RIMBP2: variants seen among roughly 807,000 people sequenced by gnomAD.
RIMBP2 encodes RIMS-binding protein 2.
Under a neutral mutation model 118.6 loss-of-function variants are expected in RIMBP2, and 48 were observed. The ratio of observed to expected loss-of-function variants is 0.40; its 90% CI spans 0.32 to 0.51. The LOEUF is 0.51. RIMBP2 is among the 20% of genes least tolerant of loss of function. RIMBP2 has a pLI of 0.41. For synonymous variants in RIMBP2, 762 were observed against 742.9 expected (o/e 1.03, Z -0.42); for missense variants, 1,551 against 1,768.3 (o/e 0.88, Z 2.20).
intron 2 of RIMBP2, among the ~76,000 whole-genome samples, chr12:130,615,221 T>C (rs2060832104): frequency 8.0e-6 from 1 of 125,312 alleles, no homozygotes; most frequent in Non-Finnish European, 1.6e-5. Context: ...TTATATATTA[T>C]ATACATAAAT....
chr12:130,504,226 G>A (rs934068540), intron 4 of RIMBP2, among the ~76,000 whole-genome samples: 1 of 152,152 alleles, frequency 6.6e-6, no homozygotes, highest in African/African-American at 2.4e-5. Context: ...CCGGTCACCA[G>A]GCTCTTCACC....
chr12:130,667,143 GAAGGGA>G (rs2063983161), intron 1 of RIMBP2, among the ~76,000 whole-genome samples: 1 of 53,866 alleles, frequency 1.9e-5, no homozygotes, highest in Non-Finnish European at 4.2e-5. Context: ...GAGAGGGAGG[GAAGGGA>G]GGAAGGGAGG....
chr12:130,611,206 C>T (rs1208859270), intron 2 of RIMBP2, among the ~76,000 whole-genome samples: 2 of 152,224 alleles, frequency 1.3e-5, no homozygotes, highest in Non-Finnish European at 2.9e-5. Context: ...GACCGGGAAC[C>T]GCCGCAGCTC....
At chr12:130,459,180 G>A (rs1387575719) in intron 6 of RIMBP2, among the ~76,000 whole-genome samples, 2 of 152,046 alleles carry the variant, frequency 1.3e-5, no homozygotes, top group Non-Finnish European at 2.9e-5. Context: ...GAGGGACGGT[G>A]CCATGAGGGA....
Position 130,478,912 on chromosome 12 carries a change from C to T in RIMBP2, c.102G>A (p.Lys34=). ...CCGCGCCCGGCTGCCCGCCGCTTAC[C>T]TTCTGCAGAAGGTCAATTTCCTGCT... is the stretch of plus-strand genomic sequence containing the variant. ...AKQQEIDLLQ[K]AQVEAKKEHE... The change falls in exon 5 of 23, where the codon AAG becomes AAA. Residue 34 remains lysine (K), a splice_region_variant and synonymous_variant. Transcript: ENST00000690449. The T allele has an allele frequency of 1.2e-6, 2 of 1,611,934 alleles. No homozygotes were observed.
intron 2 of RIMBP2, among the ~76,000 whole-genome samples, chr12:130,627,086 C>T (rs2061686512): frequency 6.6e-6 from 1 of 151,992 alleles, no homozygotes; most frequent in African/African-American, 2.4e-5. Context: ...AGCATCACCA[C>T]CGTCTCCTCC....
At chr12:130,500,941 T>G (rs1221776462) in intron 4 of RIMBP2, among the ~76,000 whole-genome samples, 3 of 152,138 alleles carry the variant, frequency 2.0e-5, no homozygotes, top group African/African-American at 7.2e-5. Flanking sequence ...ATGGGTTTCT[T>G]GAGGATCAGC....
In RIMBP2 at chr12:130,677,640, C is replaced by T. The variant is rs112399816; in HGVS notation, c.-352+38582G>A. Among the ~76,000 whole-genome samples the T allele has an allele frequency of 2.8e-3, 423 of 151,696 alleles. 1 individual carries two copies. Among genetic ancestry groups the T allele is most frequent in the African/African-American group, 9.5e-3 (392 of 41,330 alleles). On this transcript the variant is annotated intron_variant, in intron 1 of 22. Transcript: ENST00000690449. ...GGAACACTGTCTCAAAAAAAACAAA[C>T]AAAAAAAAGATTACCTTTAGCACAG... is the stretch of plus-strand genomic sequence containing the variant.
chr12:130,512,291 C>T (rs963296101), intron 3 of RIMBP2, among the ~76,000 whole-genome samples: 2 of 152,018 alleles, frequency 1.3e-5, no homozygotes, highest in East Asian at 3.9e-4. Context: ...CTGGGATCCC[C>T]GCTGCATCAA....
chr12:130,662,826 C>T lies in RIMBP2; in HGVS notation c.-351-34370G>A, dbSNP rs144305440. ...GAAAAAATAGCTGGGTGTGGCGGTG[C>T]ACTCCTATGGTCCCAGCTACCTGGG... is the stretch of plus-strand genomic sequence containing the variant. On this transcript the variant is annotated intron_variant, in intron 1 of 22. Coordinates refer to ENST00000690449, the MANE Select transcript of RIMBP2 (RefSeq NM_001393629.1). 9.0e-4 allele frequency among the ~76,000 whole-genome samples: 137 copies of T among 152,166 alleles called. 4 individuals are homozygous for T. In the East Asian group the frequency reaches 0.02, roughly 22 times the overall value.
intron 2 of RIMBP2, among the ~76,000 whole-genome samples, chr12:130,595,123 T>C (rs1294397459): frequency 6.6e-6 from 1 of 152,138 alleles, no homozygotes; most frequent in Non-Finnish European, 1.5e-5. Flanking sequence ...AGACATACAG[T>C]TAGTAGCAGT....
intron 2 of RIMBP2, among the ~76,000 whole-genome samples, chr12:130,606,007 G>T (rs1013078060): frequency 6.6e-6 from 1 of 152,082 alleles, no homozygotes; most frequent in African/African-American, 2.4e-5. Flanking sequence ...GGCAGAGGTT[G>T]CAGTAAGCCG....
At position 130,437,101 on chromosome 12, in the gene RIMBP2, G is replaced by A. The variant is rs780276630; in HGVS notation, c.1847C>T (p.Ser616Leu). The A allele has an allele frequency of 7.0e-6, 11 of 1,579,162 alleles. No individual in the cohort carries two copies. The South Asian group carries it at 1.2e-4, about 17-fold the overall frequency. The change falls in exon 13 of 23, where the codon TCA (serine) becomes TTA (leucine). Residue 616 changes from serine (S) to leucine (L), a missense_variant. By Grantham distance (145) the Ser-to-Leu change is moderately radical. This residue lies in a region of RIMBP2 where 1,038 missense variants were observed against 1,125.1 expected (regional missense o/e 0.92). Coordinates refer to ENST00000690449, the MANE Select transcript of RIMBP2 (RefSeq NM_001393629.1). Reference protein sequence around the residue: ...PTPHPRPAPQSKPLASSGVPE... With the variant: ...PTPHPRPAPQLKPLASSGVPE... Reference sequence around the variant, plus strand: ...GACTCCAGAACTTGCTAATGGCTTTGATTGGGGTGCAGGTCTCGGGTGGGG... The same window carrying A: ...GACTCCAGAACTTGCTAATGGCTTTAATTGGGGTGCAGGTCTCGGGTGGGG...
At chr12:130,402,116 C>A (rs966409598) in intron 21 of RIMBP2, among the ~76,000 whole-genome samples, 1 of 152,198 alleles carries the variant, frequency 6.6e-6, no homozygotes, top group Non-Finnish European at 1.5e-5. Context: ...ATGTCACTCC[C>A]TTCCCCATGT....
chr12:130,522,823 C>T (rs1414016561), intron 2 of RIMBP2, among the ~76,000 whole-genome samples: 1 of 152,060 alleles, frequency 6.6e-6, no homozygotes, highest in Non-Finnish European at 1.5e-5. Flanking sequence ...GAAGCCCTAG[C>T]CCCCAGGGTG....
intron 6 of RIMBP2, among the ~76,000 whole-genome samples, chr12:130,468,546 C>T (rs11060917): frequency 0.021 from 3,179 of 152,234 alleles, 93 homozygotes; most frequent in East Asian, 0.16. Context: ...AAAGGCCTGT[C>T]TCGGGGGCAA....
chr12:130,644,380 G>A (rs544591176), intron 1 of RIMBP2, among the ~76,000 whole-genome samples: 39 of 152,308 alleles, frequency 2.6e-4, no homozygotes, highest in Middle Eastern at 3.4e-3. Flanking sequence ...TAAGAGCACC[G>A]TAAGATCCAG....
intron 2 of RIMBP2, among the ~76,000 whole-genome samples, chr12:130,560,174 A>G (rs1000644298): frequency 6.6e-6 from 1 of 152,238 alleles, no homozygotes. Context: ...TATTGCAGGT[A>G]GAATTTCTAT....
chr12:130,424,927 G>T lies in RIMBP2; in HGVS notation c.2413-69C>A. ...TGGTCAGCATGAAGTGGGGGCCAGG[G>T]GAGGAAAGAAAATACAGACAGAATT... On this transcript the variant is annotated intron_variant, in intron 15 of 22. Transcript: ENST00000690449. The surrounding 1 kb of genome is among the most constrained non-coding windows in gnomAD (Gnocchi z 9.8). The T allele has an allele frequency of 1.0e-6, 1 of 965,696 alleles. No homozygotes were observed. The highest frequency in any genetic ancestry group is 1.3e-6 in the Non-Finnish European group (1 of 744,936). The allele number at this position is 965,696 out of a possible 1,614,324, so 59.8% of individuals were successfully genotyped here.
Sources: allele counts gnomAD v4.1 joint callset (sites outside exome capture counted in the v4.1 genomes callset), GRCh38; gene constraint gnomAD v4.1.1; regional missense constraint gnomAD v4.1.1; non-coding constraint Gnocchi (gnomAD v3.1); transcripts MANE v1.5; gene names NCBI Gene and HGNC (gene_info 2026-07-23, HGNC 2026-07-21).